Variants in HECTD4 observed in about 807,000 individuals in gnomAD.
HECTD4 encodes the protein HECT domain E3 ubiquitin protein ligase 4.
Under a neutral mutation model 471.5 loss-of-function variants are expected in HECTD4, and 114 were observed. That is an observed-to-expected ratio of 0.24 (90% CI 0.21 to 0.28). The LOEUF (loss-of-function observed/expected upper bound fraction) is 0.28, where lower values mean the gene tolerates loss of function less well. HECTD4 is among the 10% of genes least tolerant of loss of function. The probability of loss-of-function intolerance (pLI) is 1.00; values close to 1 mark genes in which losing one functional copy is unlikely to be tolerated. For missense variants in HECTD4, 3,866 were observed against 5,651.5 expected (o/e 0.68, Z 10.13); for synonymous variants, 2,012 against 2,256.0 (o/e 0.89, Z 3.07).
chr12:112,203,982 G>T (rs1014750208), intron 53 of HECTD4, among the ~76,000 whole-genome samples: 1 of 152,198 alleles, frequency 6.6e-6, no homozygotes, highest in Non-Finnish European at 1.5e-5. Flanking sequence ...ATAGAACGTT[G>T]TAAAAGCTCT....
Position 112,219,372 on chromosome 12 carries a change from C to T in HECTD4, c.7074+14G>A, listed in dbSNP as rs367880024. On this transcript the variant is annotated intron_variant, in intron 45 of 75. Coordinates refer to ENST00000682272, the MANE Select transcript of HECTD4 (RefSeq NM_001388303.1). ...GGAGGCTGCAGGAGGCGCGAAGCACCGCAGAGGGCTCACCTGTCTTCGGTC... is the reference window on the plus strand; with the variant it reads ...GGAGGCTGCAGGAGGCGCGAAGCACTGCAGAGGGCTCACCTGTCTTCGGTC... 733 of 1,605,724 alleles carry T rather than the reference C, an allele frequency of 4.6e-4. No homozygotes were observed. Among genetic ancestry groups the T allele is most frequent in the Non-Finnish European group, 6.0e-4 (706 of 1,173,330 alleles).
intron 50 of HECTD4, among the ~76,000 whole-genome samples, chr12:112,209,592 C>T (rs975577203): frequency 2.6e-5 from 4 of 152,220 alleles, no homozygotes; most frequent in Non-Finnish European, 4.4e-5. Flanking sequence ...TCCCAAAGTG[C>T]TGGCATTACA....
In HECTD4 at chr12:112,193,116, C is replaced by T. The variant is rs765330479; in HGVS notation, c.9031G>A (p.Gly3011Arg). The T allele has an allele frequency of 8.7e-6, 14 of 1,613,826 alleles. No homozygotes were observed. Among genetic ancestry groups the T allele is most frequent in the East Asian group, 4.5e-5 (2 of 44,904 alleles). ...CAAGACACAACAACAAAAGCTGCCC[C>T]GGGGAAATTCACGTCCATGTTGACT... Reference protein sequence around the residue: ...SKVNMDVNFPGAAFVVVSCKE... With the variant: ...SKVNMDVNFPRAAFVVVSCKE... The change falls in exon 58 of 76, where the codon GGG becomes AGG. Residue 3011 changes from glycine (G) to arginine (R), a missense_variant. By Grantham distance (125) the Gly-to-Arg change is moderately radical (BLOSUM62 -2). Coordinates refer to ENST00000682272, the MANE Select transcript of HECTD4 (RefSeq NM_001388303.1). The surrounding 1 kb of genome is among the most constrained non-coding windows in gnomAD (Gnocchi z 5.2).
chr12:112,280,599 C>T (rs2034615984), intron 8 of HECTD4, among the ~76,000 whole-genome samples: 2 of 151,712 alleles, frequency 1.3e-5, no homozygotes, highest in Non-Finnish European at 2.9e-5. Context: ...TGCAAGCCCC[C>T]ACCAAGTATA....
chr12:112,172,545 A>G, intron 67 of HECTD4, 126 bp downstream of exon 67: 1 of 886,414 alleles, frequency 1.1e-6, no homozygotes, highest in South Asian at 1.6e-5. Flanking sequence ...CACCTGGCGC[A>G]TAGCAGGTGT....
At chr12:112,169,848 C>A in intron 69 of HECTD4, 190 bp from the exon 70 acceptor site, 1 of 660,302 alleles carries the variant, frequency 1.5e-6, no homozygotes. Flanking sequence ...ATGGCTCCCA[C>A]TTTTGGAACC....
intron 1 of HECTD4, among the ~76,000 whole-genome samples, chr12:112,370,729 G>GT (rs1160285616): frequency 6.6e-6 from 1 of 152,038 alleles, no homozygotes; most frequent in East Asian, 1.9e-4. Flanking sequence ...AGGGACTTCA[G>GT]TTTTACCTGT....
At chr12:112,304,721 C>A (rs1401339017) in intron 7 of HECTD4, among the ~76,000 whole-genome samples, 2 of 151,192 alleles carry the variant, frequency 1.3e-5, no homozygotes, top group African/African-American at 2.4e-5. Flanking sequence ...AACACATGTT[C>A]AATCTGTAGC....
At chr12:112,353,714 T>C (rs934395907) in intron 1 of HECTD4, among the ~76,000 whole-genome samples, 2 of 152,148 alleles carry the variant, frequency 1.3e-5, no homozygotes, top group Non-Finnish European at 2.9e-5. Context: ...ACCAGATCCT[T>C]TCATGCATCA....
Position 112,376,537 on chromosome 12 carries a change from C to T in HECTD4, c.177+5415G>A, listed in dbSNP as rs565879370. On this transcript the variant is annotated intron_variant, in intron 1 of 75. Transcript: ENST00000682272. The stretch of plus-strand genomic sequence containing the variant: ...CTGGGATTACAGGCATGAGCCACCA[C>T]GCCCGGCCACACTCTGCATTCTTAA... Among the ~76,000 whole-genome samples the T allele has an allele frequency of 2.0e-5, 3 of 152,290 alleles. No homozygotes were observed. The South Asian group carries it at 6.2e-4, about 32-fold the overall frequency.
chr12:112,270,221 A>G lies in HECTD4; in HGVS notation c.2175+6T>C. 3.1e-6 allele frequency: 5 copies of G among 1,606,982 alleles called. No individual in the cohort carries two copies. The highest frequency in any genetic ancestry group is 4.3e-6 in the Non-Finnish European group (5 of 1,173,664). ...CATCTTATTTATTTCAAAACAGTGT[A>G]TTTACCTGAAAGACAACGAGAATGC... On this transcript the variant is annotated splice_donor_region_variant and intron_variant, in intron 12 of 75. Transcript: ENST00000682272.
chr12:112,276,014 A>G, intron 9 of HECTD4, among the ~76,000 whole-genome samples: 1 of 152,150 alleles, frequency 6.6e-6, no homozygotes, highest in Non-Finnish European at 1.5e-5. Flanking sequence ...TGTGCAGCTC[A>G]CAAATCTGCT....
chr12:112,325,856 T>C (rs1026074125), intron 1 of HECTD4, among the ~76,000 whole-genome samples: 5 of 151,458 alleles, frequency 3.3e-5, no homozygotes, highest in African/African-American at 9.7e-5. Context: ...CCAGCAGCCT[T>C]GCTCTGTCAC....
chr12:112,173,208 A>G lies in HECTD4; in HGVS notation c.11595-347T>C, dbSNP rs1308296497. Among the ~76,000 whole-genome samples, 1 of 151,950 alleles carries G rather than the reference A, an allele frequency of 6.6e-6. No homozygotes were observed. Among genetic ancestry groups the G allele is most frequent in the Non-Finnish European group, 1.5e-5 (1 of 67,982 alleles). ...TGTGTCACACAACTTTTTTCTCCTT[A>G]GAGACAAAATCTTGCTCTGTTGCCT... On this transcript the variant is annotated intron_variant, in intron 66 of 75. Transcript: ENST00000682272. This position sits in a 1 kb window ranked among gnomAD's most constrained non-coding sequence, Gnocchi z 4.3.
intron 1 of HECTD4, among the ~76,000 whole-genome samples, chr12:112,330,656 T>C (rs932425240): frequency 6.6e-6 from 1 of 152,252 alleles, no homozygotes; most frequent in Non-Finnish European, 1.5e-5. Flanking sequence ...GTCATACTCA[T>C]GTTTGTGTCC....
intron 44 of HECTD4, among the ~76,000 whole-genome samples, chr12:112,225,790 T>C (rs1408943131): frequency 2.0e-5 from 3 of 152,216 alleles, no homozygotes; most frequent in Non-Finnish European, 4.4e-5. Flanking sequence ...ACTGACTAGA[T>C]ATGTATATAC....
intron 1 of HECTD4, among the ~76,000 whole-genome samples, chr12:112,376,601 A>T: frequency 6.6e-6 from 1 of 152,094 alleles, no homozygotes; most frequent in Non-Finnish European, 1.5e-5. Context: ...ACCTACAAGG[A>T]TCTACTTGAT....
At chr12:112,369,650 A>G (rs1219026594) in intron 1 of HECTD4, among the ~76,000 whole-genome samples, 2 of 152,090 alleles carry the variant, frequency 1.3e-5, no homozygotes, top group Admixed American at 6.6e-5. Context: ...AGCCAAATTA[A>G]GCAAACCTAT....
chr12:112,313,510 CAG>C (rs2035412712), intron 3 of HECTD4, among the ~76,000 whole-genome samples: 1 of 121,550 alleles, frequency 8.2e-6, no homozygotes, highest in South Asian at 2.7e-4. Context: ...TTTTTTGAGA[CAG>C]AGTCTCGCTC....
Sources: allele counts gnomAD v4.1 joint callset (sites outside exome capture counted in the v4.1 genomes callset), GRCh38; gene constraint gnomAD v4.1.1; non-coding constraint Gnocchi (gnomAD v3.1); transcripts MANE v1.5; gene names NCBI Gene and HGNC (gene_info 2026-07-23, HGNC 2026-07-21).